Variants in TCF25 observed in about 807,000 individuals in gnomAD.
The protein encoded by TCF25 is TCF25 ribosome quality control complex subunit, also known as ribosome quality control complex subunit TCF25.
Under a neutral mutation model 83.1 loss-of-function variants are expected in TCF25, and 41 were observed. The ratio of observed to expected loss-of-function variants is 0.49; its 90% confidence interval spans 0.38 to 0.64. TCF25 has a LOEUF of 0.64. Ranked by LOEUF, TCF25 falls within the 30% of genes least tolerant of loss-of-function variation. TCF25 has a pLI of 0.00. For missense variants in TCF25, 979 were observed against 914.5 expected (o/e 1.07, Z -0.91); for synonymous variants, 458 against 365.0 (o/e 1.25, Z -2.90).
chr16:89,876,949 A>AG (rs1360798972), intron 1 of TCF25, among the ~76,000 whole-genome samples: 1 of 150,062 alleles, frequency 6.7e-6, no homozygotes, highest in African/African-American at 2.5e-5. Flanking sequence ...AAAAAAAAAA[A>AG]AAATTGGCCA....
At chr16:89,884,000 G>A (rs900203889) in intron 2 of TCF25, 1 of 167,246 alleles carries the variant, frequency 6.0e-6, no homozygotes, top group Non-Finnish European at 1.3e-5. Flanking sequence ...ACAGAAGAGG[G>A]GCCCTAAAAG....
intron 16 of TCF25, 90 bp from the exon 17 acceptor site, chr16:89,910,501 G>C: frequency 7.3e-7 from 1 of 1,370,668 alleles, no homozygotes. Flanking sequence ...CCCTGCGAGG[G>C]AGGCAGCTGG....
Position 89,901,475 on chromosome 16 carries a change from G to A in TCF25, c.1381+681G>A, listed in dbSNP as rs1198242473. Among the ~76,000 whole-genome samples the A allele has an allele frequency of 1.4e-5, 2 of 146,642 alleles. 1 individual carries two copies. The highest frequency in any genetic ancestry group is 4.5e-4 in the East Asian group (2 of 4,432). The stretch of plus-strand genomic sequence containing the variant: ...TAAGACGGGCCTCCGGCCGGGCGCG[G>A]TGGCTCACGCCTGTAATCCTAGCAC... On this transcript the variant is annotated intron_variant, in intron 12 of 17. Transcript: ENST00000263346.
chr16:89,891,914 C>T (rs942397590), intron 5 of TCF25, among the ~76,000 whole-genome samples: 14 of 152,232 alleles, frequency 9.2e-5, no homozygotes, highest in African/African-American at 3.4e-4. Context: ...AAGAAATTCT[C>T]CCATCTTGGC....
At chr16:89,906,167 C>CCT (rs752872608) in intron 14 of TCF25, 27 bp from the exon 15 acceptor site, 1 of 1,602,756 alleles carries the variant, frequency 6.2e-7, no homozygotes, top group Non-Finnish European at 8.5e-7. Flanking sequence ...GCTTTATCTG[C>CCT]TGTGCCTTGT....
chr16:89,902,966 G>A (rs983436338), intron 12 of TCF25, among the ~76,000 whole-genome samples: 13 of 152,200 alleles, frequency 8.5e-5, no homozygotes, highest in African/African-American at 3.1e-4. Flanking sequence ...AGGCAGAAAC[G>A]TGCCCCCCAG....
intron 7 of TCF25, 101 bp downstream of exon 7, chr16:89,893,959 CTG>C: frequency 1.3e-6 from 2 of 1,498,434 alleles, no homozygotes; most frequent in Non-Finnish European, 1.8e-6. Flanking sequence ...ATGCTGCCTC[CTG>C]CCCTTCCCAA....
rs774573662 is a variant in TCF25, at chr16:89,895,965, T to A, written c.929-25T>A. The A allele has an allele frequency of 5.0e-6, 8 of 1,607,168 alleles. No individual in the cohort carries two copies. The Admixed American group carries it at 5.0e-5, about 10-fold the overall frequency. On this transcript the variant is annotated intron_variant, in intron 8 of 17. Coordinates refer to ENST00000263346, the MANE Select transcript of TCF25 (RefSeq NM_014972.3). ...GTTGCTGTGTGTGGCCATGACACCC[T>A]CCCCTGGCGTCCCTGTGCCCACAGA...
chr16:89,877,495 C>T (rs568459826), intron 1 of TCF25, among the ~76,000 whole-genome samples: 135 of 152,178 alleles, frequency 8.9e-4, no homozygotes, highest in African/African-American at 3.1e-3. Context: ...TTGTGGGATG[C>T]AACTGAAACG....
intron 13 of TCF25, 87 bp from the exon 14 acceptor site, chr16:89,904,851 C>T (rs574586963): frequency 4.1e-5 from 61 of 1,491,562 alleles, no homozygotes; most frequent in East Asian, 2.5e-5. Flanking sequence ...CTGGACCCCC[C>T]GTCTGCCCAT....
rs186468710 is a variant in TCF25 at position 89,908,055 on chromosome 16, C to T, written c.1799+733C>T. 1.3e-3 allele frequency among the ~76,000 whole-genome samples: 189 copies of T among 140,140 alleles called. 3 individuals carry two copies. The highest frequency in any genetic ancestry group is 4.5e-3 in the African/African-American group (163 of 36,456). The allele number at this position is 140,140 out of a possible 152,430, so 91.9% of individuals were successfully genotyped here. On this transcript the variant is annotated intron_variant, in intron 16 of 17. Transcript: ENST00000263346. ...AGCTCCCACCTCCTACCTCCCAGCT[C>T]CCGCCTCCCACCTTACAGCCCCTGT...
rs934401579 is a variant in TCF25, at chr16:89,890,506, G to A, written c.615-1687G>A. 2.0e-5 allele frequency: 3 copies of A among 152,190 alleles called. No individual in the cohort carries two copies. In the East Asian group the frequency reaches 5.8e-4, roughly 29 times the overall value. The allele number at this position is 152,190 out of a possible 1,614,324, so 9.4% of individuals were successfully genotyped here. ...TTTTGATTGTGGGTAGATCAAGGAT[G>A]TTTTCATATGCTGTTGTTCACGCCT... On this transcript the variant is annotated intron_variant, in intron 5 of 17. Transcript: ENST00000263346.
chr16:89,880,613 G>A (rs549194346), intron 1 of TCF25, among the ~76,000 whole-genome samples: 307 of 152,152 alleles, frequency 2.0e-3, no homozygotes, highest in Non-Finnish European at 2.7e-3. Flanking sequence ...AGTAAATTGG[G>A]TGTTGTGGCG....
chr16:89,907,487 GCTC>G (rs1567741832), intron 16 of TCF25, among the ~76,000 whole-genome samples, 165 bp downstream of exon 16: 2 of 11,208 alleles, frequency 1.8e-4, no homozygotes, highest in African/African-American at 2.9e-4. Context: ...CCACCTCCCA[GCTC>G]CCACCTCCCT....
At position 89,911,239 on chromosome 16, in the gene TCF25, G is replaced by A. The variant is rs774191988; in HGVS notation, c.*1G>A. 2 of 1,612,294 alleles carry A rather than the reference G, an allele frequency of 1.2e-6. No individual in the cohort carries two copies. The highest frequency in any genetic ancestry group is 1.7e-5 in the Admixed American group (1 of 60,010). On this transcript the variant is annotated 3_prime_UTR_variant, in exon 18 of 18. Coordinates refer to ENST00000263346, the MANE Select transcript of TCF25 (RefSeq NM_014972.3). ...TGAGGGGGAGGGGGAGTGGGACTGA[G>A]CGTCCGCAGAGGTGACCGAAAAGCC...
At chr16:89,873,989 C>A in intron 1 of TCF25, 130 bp downstream of exon 1, 2 of 1,139,066 alleles carry the variant, frequency 1.8e-6, no homozygotes, top group Non-Finnish European at 2.3e-6. Context: ...GTCCCAGCCG[C>A]AGTGGGGAGG....
intron 5 of TCF25, chr16:89,890,525 C>G (rs1186549597): frequency 6.6e-6 from 1 of 152,138 alleles, no homozygotes; most frequent in African/African-American, 2.4e-5. Context: ...TGCTGTTGTT[C>G]ACGCCTTCCC....
Position 89,873,865 on chromosome 16 carries a change from G to T in TCF25, c.192+6G>T, listed in dbSNP as rs1402373939. The T allele has an allele frequency of 6.6e-7, 1 of 1,518,960 alleles. No individual in the cohort carries two copies. The highest frequency in any genetic ancestry group is 1.2e-5 in the South Asian group (1 of 82,170). The allele number at this position is 1,518,960 out of a possible 1,614,324, so 94.1% of individuals were successfully genotyped here. A position where few individuals can be genotyped will look rare whatever the true frequency, so the allele number is the denominator to read the frequency against. On this transcript the variant is annotated splice_donor_region_variant and intron_variant, in intron 1 of 17. Coordinates refer to ENST00000263346, the MANE Select transcript of TCF25 (RefSeq NM_014972.3). ...TCAACAACCGCTTCGAGCTGGTGAG[G>T]AGCGCGGCGGCCCGGGTGGGGGTGG...
chr16:89,890,388 A>G (rs2043338235), intron 5 of TCF25: 2 of 152,220 alleles, frequency 1.3e-5, no homozygotes, highest in South Asian at 4.1e-4. Context: ...CGTGGCTCAC[A>G]CTGAGTGTCT....
Sources: allele counts gnomAD v4.1 joint callset (sites outside exome capture counted in the v4.1 genomes callset), GRCh38; gene constraint gnomAD v4.1.1; transcripts MANE v1.5; gene names NCBI Gene and HGNC (gene_info 2026-07-23, HGNC 2026-07-21).